FRMD3: variants seen among roughly 807,000 people sequenced by gnomAD.
FRMD3 encodes FERM domain-containing protein 3.
FRMD3 carries 33 observed loss-of-function variants against 70.2 expected under a neutral mutation model. The ratio of observed to expected loss-of-function variants is 0.47; its 90% CI spans 0.36 to 0.63. The LOEUF is 0.63. Among genes scored for constraint, FRMD3 ranks in the 20% least tolerant of loss-of-function variants. FRMD3 has a pLI of 0.00. For missense variants in FRMD3, 632 were observed against 711.4 expected (o/e 0.89, Z 1.27); for synonymous variants, 279 against 255.9 (o/e 1.09, Z -0.86).
At chr9:83,456,319 G>A (rs1221251492) in intron 1 of FRMD3, among the ~76,000 whole-genome samples, 2 of 152,188 alleles carry the variant, frequency 1.3e-5, no homozygotes, top group African/African-American at 4.8e-5. Flanking sequence ...TTCGTTTATG[G>A]AGAGGTTGTT....
intron 1 of FRMD3, among the ~76,000 whole-genome samples, chr9:83,447,582 A>G (rs1168022048): frequency 6.6e-6 from 1 of 152,218 alleles, no homozygotes; most frequent in East Asian, 1.9e-4. Context: ...ACCTGCAGTC[A>G]GAATTGGCAG....
intron 13 of FRMD3, among the ~76,000 whole-genome samples, chr9:83,277,966 A>G (rs1367405645): frequency 7.9e-5 from 12 of 152,332 alleles, no homozygotes; most frequent in South Asian, 4.1e-4. Context: ...ACAAACAGGA[A>G]GACAAACAAG....
the FRMD3 span, among the ~76,000 whole-genome samples, chr9:83,564,403 C>T: frequency 6.6e-6 from 1 of 152,310 alleles, no homozygotes; most frequent in Admixed American, 6.5e-5. Context: ...TCACCAATGT[C>T]AAGGCCAACA....
chr9:83,377,410 T>C, intron 2 of FRMD3, among the ~76,000 whole-genome samples: 1 of 152,176 alleles, frequency 6.6e-6, no homozygotes, highest in East Asian at 1.9e-4. Context: ...ATTTTTTACA[T>C]GTACTGGTGC....
Position 83,246,189 on chromosome 9 carries a change from A to C in FRMD3, c.*1729T>G. The C allele has an allele frequency of 1.0e-6, 1 of 985,208 alleles. No individual in the cohort carries two copies. 61.0% of individuals were successfully genotyped at this position (985,208 alleles called of 1,614,324 possible). On this transcript the variant is annotated 3_prime_UTR_variant, in exon 14 of 14. Coordinates refer to ENST00000304195, the MANE Select transcript of FRMD3 (RefSeq NM_174938.6). ...ATAGGGTTGGAATGTCATTAGCTAG[A>C]GAGAGCGATTCCAAGTGGGCCCTGT... is the stretch of plus-strand genomic sequence containing the variant.
chr9:83,505,922 T>C (rs1829171694), intron 1 of FRMD3, among the ~76,000 whole-genome samples: 1 of 152,150 alleles, frequency 6.6e-6, no homozygotes, highest in East Asian at 1.9e-4. Flanking sequence ...ACCTAGGAGC[T>C]TCATTCTGGA....
chr9:83,446,463 C>A (rs140629620), intron 1 of FRMD3, among the ~76,000 whole-genome samples: 11,529 of 151,576 alleles, frequency 0.076, 734 homozygotes, highest in South Asian at 0.18. Flanking sequence ...CTGGCTAACA[C>A]GGTGAAACCC....
the FRMD3 span, among the ~76,000 whole-genome samples, chr9:83,549,729 G>C: frequency 6.6e-6 from 1 of 152,006 alleles, no homozygotes; most frequent in Non-Finnish European, 1.5e-5. Flanking sequence ...TCATATGCTT[G>C]TTGGCCACAT....
chr9:83,313,992 C>T (rs1450850464), intron 6 of FRMD3, among the ~76,000 whole-genome samples: 2 of 152,188 alleles, frequency 1.3e-5, no homozygotes, highest in Admixed American at 6.5e-5. Flanking sequence ...CTCCAGTGAT[C>T]CGTACAGTTA....
intron 1 of FRMD3, among the ~76,000 whole-genome samples, chr9:83,428,696 C>CCG (rs2131372242): frequency 6.6e-6 from 1 of 152,222 alleles, no homozygotes; most frequent in South Asian, 2.1e-4. Context: ...TATAATCATT[C>CCG]CGCTGCAGTT....
At position 83,399,073 on chromosome 9, in the gene FRMD3, G is replaced by C. The variant is rs77675305; in HGVS notation, c.148-9365C>G. Among the ~76,000 whole-genome samples, 301 of 152,294 alleles carry C rather than the reference G, an allele frequency of 2.0e-3. 2 individuals carry two copies. Among genetic ancestry groups the C allele is most frequent in the Non-Finnish European group, 3.3e-3 (225 of 68,016 alleles). ...CATACAGTCAACATCACAGCAAGAG[G>C]CTTAATAGTATTAAAGCTAGAGAAG... On this transcript the variant is annotated intron_variant, in intron 1 of 13. Transcript: ENST00000304195.
intron 3 of FRMD3, among the ~76,000 whole-genome samples, chr9:83,357,775 G>GT (rs1824450873): frequency 6.6e-6 from 1 of 151,988 alleles, no homozygotes; most frequent in Admixed American, 6.6e-5. Flanking sequence ...GGGATTGCTT[G>GT]TTTTTTTCTT....
chr9:83,379,775 G>T (rs998986371), intron 2 of FRMD3, among the ~76,000 whole-genome samples: 5 of 152,068 alleles, frequency 3.3e-5, no homozygotes, highest in Non-Finnish European at 7.4e-5. Context: ...CACAAACCAG[G>T]GTAGCTCTTA....
chr9:83,478,714 C>T (rs1246079856), intron 1 of FRMD3, among the ~76,000 whole-genome samples: 1 of 152,144 alleles, frequency 6.6e-6, no homozygotes, highest in Non-Finnish European at 1.5e-5. Context: ...TTCACAGCCA[C>T]ATTATTCAGA....
chr9:83,420,780 T>C (rs971773142), intron 1 of FRMD3, among the ~76,000 whole-genome samples: 25 of 151,964 alleles, frequency 1.6e-4, no homozygotes, highest in African/African-American at 5.6e-4. Context: ...CGGCACCTCC[T>C]TCACTCTCTC....
At chr9:83,420,937 CTTTTTTTTTT>C (rs897070718) in intron 1 of FRMD3, among the ~76,000 whole-genome samples, 1 of 107,718 alleles carries the variant, frequency 9.3e-6, no homozygotes, top group Non-Finnish European at 1.8e-5. Flanking sequence ...TTTCTTTCTT[CTTTTTTTTTT>C]TTTTTTTTTT....
intron 3 of FRMD3, among the ~76,000 whole-genome samples, chr9:83,350,506 C>T (rs1323611870): frequency 4.0e-5 from 6 of 150,478 alleles, no homozygotes; most frequent in African/African-American, 1.5e-4. Flanking sequence ...GCCTGTAATC[C>T]CAGCTACTCA....
chr9:83,552,824 C>T, the FRMD3 span, among the ~76,000 whole-genome samples: 8 of 151,970 alleles, frequency 5.3e-5, no homozygotes, highest in South Asian at 4.2e-4. Flanking sequence ...CCATTTGCTC[C>T]GTAGATTTTC....
chr9:83,379,509 T>C (rs935132976), intron 2 of FRMD3, among the ~76,000 whole-genome samples: 5 of 152,160 alleles, frequency 3.3e-5, no homozygotes, highest in African/African-American at 7.2e-5. Context: ...CTTCTTTTCC[T>C]CAACTCTCAT....
Sources: gnomAD v4.1 joint callset for allele counts (sites outside exome capture counted in the v4.1 genomes callset) on GRCh38, gnomAD v4.1.1 for gene constraint, MANE v1.5 for transcripts, NCBI Gene and HGNC (gene_info 2026-07-23, HGNC 2026-07-21) for gene names.